Variants in CSMD1 observed in about 807,000 individuals in gnomAD.
CSMD1 encodes CUB and Sushi multiple domains 1.
In CSMD1, 213 loss-of-function variants were observed where a neutral mutation model predicts 417.5. That is an observed-to-expected ratio of 0.51 (90% confidence interval 0.46 to 0.57). CSMD1 has a LOEUF of 0.57. Ranked by LOEUF, CSMD1 falls within the 20% of genes least tolerant of loss-of-function variation. The pLI, the probability that CSMD1 is intolerant of heterozygous loss-of-function variation, is 0.00. For synonymous variants in CSMD1, 2,862 were observed against 1,736.8 expected (o/e 1.65, Z -16.11); for missense variants, 6,923 against 4,529.7 (o/e 1.53, Z -15.17).
intron 1 of CSMD1, among the ~76,000 whole-genome samples, chr8:4,660,787 C>T (rs919925320): frequency 2.0e-5 from 3 of 152,004 alleles, no homozygotes; most frequent in South Asian, 2.1e-4. Context: ...ATAAAGCCAA[C>T]AATCCAATTA....
intron 12 of CSMD1, among the ~76,000 whole-genome samples, chr8:3,415,879 T>C (rs1813112432): frequency 6.6e-6 from 1 of 152,228 alleles, no homozygotes; most frequent in African/African-American, 2.4e-5. Context: ...CAAGTTTTCA[T>C]GAGAATAAGT....
Position 3,644,975 on chromosome 8 carries a change from A to AT in CSMD1, c.1010-28179_1010-28178insA, listed in dbSNP as rs1797504328. 4.0e-5 allele frequency among the ~76,000 whole-genome samples: 6 copies of AT among 150,672 alleles called. No homozygotes were observed. The South Asian group carries it at 1.3e-3, about 32-fold the overall frequency. ...CACTAAGGCTTTAAATGAAAAAAAA[A>AT]AAAAAAAAAAAAAAAAGTCAATTGT... On this transcript the variant is annotated intron_variant, in intron 7 of 69. Transcript: ENST00000635120.
intron 3 of CSMD1, among the ~76,000 whole-genome samples, chr8:4,396,910 G>A (rs187900304): frequency 2.0e-5 from 3 of 151,960 alleles, no homozygotes; most frequent in African/African-American, 7.3e-5. Context: ...GGAAACAAAA[G>A]ACTACACCTT....
At chr8:4,271,791 T>C (rs940009187) in intron 3 of CSMD1, among the ~76,000 whole-genome samples, 9 of 152,164 alleles carry the variant, frequency 5.9e-5, no homozygotes, top group Non-Finnish European at 1.3e-4. Context: ...CATTATGAAT[T>C]ACTCCTCCAG....
chr8:3,313,683 G>T (rs4401885), intron 23 of CSMD1, among the ~76,000 whole-genome samples: 20,148 of 152,050 alleles, frequency 0.13, 1,359 homozygotes, highest in Non-Finnish European at 0.15. Context: ...GACTGTAAAC[G>T]AGTTCAACCA....
intron 3 of CSMD1, among the ~76,000 whole-genome samples, chr8:4,309,808 C>T (rs1382994281): frequency 6.6e-6 from 1 of 152,124 alleles, no homozygotes; most frequent in Non-Finnish European, 1.5e-5. Context: ...ATATAGGTCC[C>T]TTCGCCCTTA....
At chr8:3,294,513 T>G (rs1015192199) in intron 25 of CSMD1, among the ~76,000 whole-genome samples, 82 of 152,192 alleles carry the variant, frequency 5.4e-4, no homozygotes, top group African/African-American at 1.9e-3. Context: ...ATTCAAGCCT[T>G]GGCAATGGCG....
intron 7 of CSMD1, among the ~76,000 whole-genome samples, chr8:3,686,770 T>C (rs1030311551): frequency 6.6e-6 from 1 of 152,228 alleles, no homozygotes; most frequent in Non-Finnish European, 1.5e-5. Context: ...AGTCTATCAG[T>C]GGCTGGTTGT....
intron 26 of CSMD1, among the ~76,000 whole-genome samples, chr8:3,277,929 A>G (rs1214127781): frequency 6.6e-6 from 1 of 152,226 alleles, no homozygotes; most frequent in Non-Finnish European, 1.5e-5. Flanking sequence ...ATTGGTACAC[A>G]TGAAAAGCTG....
intron 3 of CSMD1, among the ~76,000 whole-genome samples, chr8:4,211,197 C>A (rs1297137766): frequency 4.1e-5 from 6 of 148,002 alleles, no homozygotes; most frequent in African/African-American, 7.4e-5. Flanking sequence ...CAGGGAAAGT[C>A]ATTTGCCTTT....
chr8:4,215,182 G>A (rs929495272), intron 3 of CSMD1, among the ~76,000 whole-genome samples: 1 of 152,312 alleles, frequency 6.6e-6, no homozygotes. Context: ...GGGACCTTGT[G>A]TCCACGGCAT....
chr8:4,480,302 C>T (rs1052973066), intron 2 of CSMD1, among the ~76,000 whole-genome samples: 3 of 152,042 alleles, frequency 2.0e-5, no homozygotes, highest in Non-Finnish European at 4.4e-5. Context: ...TTGCACAAAT[C>T]ACTTAACCTG....
chr8:3,309,617 A>T (rs1393394688), intron 23 of CSMD1, among the ~76,000 whole-genome samples: 3 of 147,310 alleles, frequency 2.0e-5, no homozygotes, highest in Non-Finnish European at 4.5e-5. Flanking sequence ...AAATTTTGAC[A>T]ATTGTAAAAG....
intron 6 of CSMD1, among the ~76,000 whole-genome samples, chr8:3,720,620 T>TTCATAC (rs72331833): frequency 7.0e-6 from 1 of 143,322 alleles, no homozygotes; most frequent in Non-Finnish European, 1.5e-5. Context: ...TCTTTATTCT[T>TTCATAC]ACACACACAC....
intron 3 of CSMD1, among the ~76,000 whole-genome samples, chr8:4,383,096 T>A (rs138025834): frequency 4.2e-4 from 64 of 152,286 alleles, no homozygotes; most frequent in African/African-American, 1.5e-3. Flanking sequence ...AATGCTATCA[T>A]CCTCTATTAT....
intron 5 of CSMD1, among the ~76,000 whole-genome samples, chr8:3,954,939 G>C (rs545566631): frequency 6.6e-6 from 1 of 152,308 alleles, no homozygotes; most frequent in Non-Finnish European, 1.5e-5. Flanking sequence ...CTTATGCACA[G>C]AAAGTTGTTT....
intron 39 of CSMD1, among the ~76,000 whole-genome samples, chr8:3,155,358 G>GTTTTT (rs763097673): frequency 2.1e-5 from 1 of 48,102 alleles, no homozygotes; most frequent in Non-Finnish European, 4.2e-5. Context: ...TCAAGGCTGG[G>GTTTTT]ATTTTTTTTT....
At chr8:3,083,051 G>C (rs1814222040) in intron 49 of CSMD1, among the ~76,000 whole-genome samples, 1 of 152,152 alleles carries the variant, frequency 6.6e-6, no homozygotes, top group Non-Finnish European at 1.5e-5. Context: ...ACATTTTAAA[G>C]AAAGAGCTCA....
intron 3 of CSMD1, among the ~76,000 whole-genome samples, chr8:4,418,772 T>C (rs751302527): frequency 1.1e-4 from 8 of 74,192 alleles, no homozygotes; most frequent in Non-Finnish European, 1.7e-4. Context: ...GCCTGCTGCT[T>C]TCCAAAGATT....
Sources: allele counts gnomAD v4.1 joint callset (sites outside exome capture counted in the v4.1 genomes callset), GRCh38; gene constraint gnomAD v4.1.1; transcripts MANE v1.5; gene names NCBI Gene and HGNC (gene_info 2026-07-23, HGNC 2026-07-21).